Variants in ZNF654 observed in about 807,000 individuals in gnomAD.
The protein encoded by ZNF654 is zinc finger protein 654.
ZNF654 carries 19 observed loss-of-function variants against 95.3 expected under a neutral mutation model. The observed-to-expected ratio is 0.20, with a 90% CI of 0.14 to 0.29. The LOEUF (loss-of-function observed/expected upper bound fraction) is 0.29, where lower values mean the gene tolerates loss of function less well. Among genes scored for constraint, ZNF654 ranks in the 10% least tolerant of loss-of-function variants. ZNF654 has a pLI of 1.00. For missense variants in ZNF654, 1,046 were observed against 1,341.0 expected (o/e 0.78, Z 3.44); for synonymous variants, 413 against 457.9 (o/e 0.90, Z 1.25).
Position 88,113,181 on chromosome 3 carries a change from T to A in ZNF654, c.399T>A (p.Ile133=), listed in dbSNP as rs1359942462. 1 of 1,533,460 alleles carries A rather than the reference T, an allele frequency of 6.5e-7. No individual in the cohort carries two copies. The allele number at this position is 1,533,460 out of a possible 1,614,324, so 95.0% of individuals were successfully genotyped here. ...TTTATGAAGAGCCCTTAAAGGATAT[T>A]CTTGGATCATTCCAGGTAAAAAACA... The part of the protein sequence containing the change: ...DEFYEEPLKD[I]LGSFQECQNH... Residue 133 remains isoleucine, a synonymous_variant, in exon 3 of 9, where the codon ATT becomes ATA. Coordinates refer to ENST00000636215, the MANE Select transcript of ZNF654 (RefSeq NM_001350134.2).
At chr3:88,068,131 G>A (rs1707308543) in intron 1 of ZNF654, among the ~76,000 whole-genome samples, 1 of 151,808 alleles carries the variant, frequency 6.6e-6, no homozygotes, top group South Asian at 2.1e-4. Context: ...TGATTAGAGA[G>A]GTATGTTGAA....
At chr3:88,083,957 A>AG (rs1274360386) in intron 1 of ZNF654, among the ~76,000 whole-genome samples, 4 of 151,152 alleles carry the variant, frequency 2.6e-5, no homozygotes, top group Non-Finnish European at 5.9e-5. Flanking sequence ...ATATATATAT[A>AG]TATATATATA....
At chr3:88,063,932 C>G (rs1467782634) in intron 1 of ZNF654, among the ~76,000 whole-genome samples, 2 of 152,058 alleles carry the variant, frequency 1.3e-5, no homozygotes, top group East Asian at 3.9e-4. Flanking sequence ...TGGTGTAAAC[C>G]AAAACAACTT....
At chr3:88,091,773 A>G (rs1314690632) in intron 2 of ZNF654, among the ~76,000 whole-genome samples, 1 of 152,178 alleles carries the variant, frequency 6.6e-6, no homozygotes, top group Non-Finnish European at 1.5e-5. Context: ...TCCCCTGCAC[A>G]TGCTCTCTTG....
Position 88,059,523 on chromosome 3 carries a change from C to T in ZNF654, c.186+18C>T, listed in dbSNP as rs2107570723. On this transcript the variant is annotated intron_variant, in intron 1 of 8. Coordinates refer to ENST00000636215, the MANE Select transcript of ZNF654 (RefSeq NM_001350134.2). ...TCTGTCAGGTGAGGCGTCCGTTGGCCGCCCCGACTTGTCACCCGGGTCCTG... is the reference window on the plus strand; with the variant it reads ...TCTGTCAGGTGAGGCGTCCGTTGGCTGCCCCGACTTGTCACCCGGGTCCTG... The T allele has an allele frequency of 6.8e-7, 1 of 1,460,448 alleles. No individual in the cohort carries two copies. Among genetic ancestry groups the T allele is most frequent in the Non-Finnish European group, 9.0e-7 (1 of 1,114,242 alleles). 90.5% of individuals were successfully genotyped at this position (1,460,448 alleles called of 1,614,324 possible).
chr3:88,067,847 G>T (rs898293829), intron 1 of ZNF654, among the ~76,000 whole-genome samples: 7 of 151,916 alleles, frequency 4.6e-5, no homozygotes, highest in African/African-American at 1.5e-4. Context: ...GGTGGTAACT[G>T]GAGGCATTGT....
chr3:88,130,366 A>G (rs2107839906), intron 6 of ZNF654, among the ~76,000 whole-genome samples: 1 of 152,274 alleles, frequency 6.6e-6, no homozygotes, highest in South Asian at 2.1e-4. Flanking sequence ...GGCTATAAAC[A>G]TTTTTTTAAA....
At position 88,139,647 on chromosome 3, in the gene ZNF654, G is replaced by A. The variant is rs766394912; in HGVS notation, c.1978G>A (p.Glu660Lys). ...AGAAGTCATCCCTGAGCATGTGGCT[G>A]AATTCATTGAAATTCCCATAAGTGT... ...NKEVIPEHVA[E>K]FIEIPISVPE... Residue 660 changes from glutamate (E) to lysine (K), a missense_variant, in exon 8 of 9, where the codon GAA (glutamate) becomes AAA (lysine). Physicochemically the swap from Glu to Lys is moderately conservative, Grantham distance 56. This residue lies in a region of ZNF654 where 495 missense variants were observed against 537.0 expected (regional missense o/e 0.92). Coordinates refer to ENST00000636215, the MANE Select transcript of ZNF654 (RefSeq NM_001350134.2). 3.1e-6 allele frequency: 5 copies of A among 1,612,046 alleles called. No individual in the cohort carries two copies. In the Admixed American group the frequency reaches 8.4e-5, roughly 27 times the overall value.
intron 6 of ZNF654, 87 bp downstream of exon 6, chr3:88,129,913 TG>T: frequency 1.7e-6 from 2 of 1,202,892 alleles, no homozygotes; most frequent in Admixed American, 6.4e-5. Flanking sequence ...TTACATTGTA[TG>T]AAAATGTCAA....
intron 2 of ZNF654, among the ~76,000 whole-genome samples, chr3:88,092,197 A>G (rs930057230): frequency 4.6e-5 from 7 of 152,210 alleles, no homozygotes. Flanking sequence ...GTAAATCTAC[A>G]ATAGTATGTT....
chr3:88,139,131 A>G lies in ZNF654; in HGVS notation c.1462A>G (p.Arg488Gly). The G allele has an allele frequency of 7.8e-7, 1 of 1,285,912 alleles. No homozygotes were observed. The allele number at this position is 1,285,912 out of a possible 1,614,324, so 79.7% of individuals were successfully genotyped here. A position where few individuals can be genotyped will look rare whatever the true frequency, so the allele number is the denominator to read the frequency against. Residue 488 changes from arginine to glycine, a missense_variant, in exon 8 of 9, where the codon AGG becomes GGG. By Grantham distance (125) the Arg-to-Gly change is moderately radical (BLOSUM62 -2). Transcript: ENST00000636215. ...GGAAAATAATGCAGGTAATCTAAAA[A>G]GGACGGAGGAACAGCAAGGTTTGGA... ...TLENNAGNLK[R>G]TEEQQGLDEG...
Position 88,141,717 on chromosome 3 carries a change from C to T in ZNF654, c.*65C>T. On this transcript the variant is annotated 3_prime_UTR_variant, in exon 9 of 9. Transcript: ENST00000636215. The stretch of plus-strand genomic sequence containing the variant: ...GTGAAAAAAGCACTATAAGAAAATG[C>T]ATCATCAGTTTGCTATTTCCCTGAT... 6 of 1,295,576 alleles carry T rather than the reference C, an allele frequency of 4.6e-6. No individual in the cohort carries two copies. Among genetic ancestry groups the T allele is most frequent in the Non-Finnish European group, 6.3e-6 (6 of 956,696 alleles). The allele number at this position is 1,295,576 out of a possible 1,614,324, so 80.3% of individuals were successfully genotyped here.
At chr3:88,107,646 C>A (rs1035443164) in intron 2 of ZNF654, among the ~76,000 whole-genome samples, 1 of 152,082 alleles carries the variant, frequency 6.6e-6, no homozygotes, top group Non-Finnish European at 1.5e-5. Context: ...TTCCTTAACT[C>A]TTGCTTCTTG....
chr3:88,106,003 C>G (rs890349215), intron 2 of ZNF654, among the ~76,000 whole-genome samples: 18 of 152,138 alleles, frequency 1.2e-4, no homozygotes, highest in Admixed American at 4.6e-4. Flanking sequence ...TAGCCTTCTT[C>G]CTCTCCAGAG....
Position 88,139,836 on chromosome 3 carries a change from G to A in ZNF654, c.2167G>A (p.Val723Ile), listed in dbSNP as rs763868413. 4 of 1,577,158 alleles carry A rather than the reference G, an allele frequency of 2.5e-6. 1 individual carries two copies. Among genetic ancestry groups the A allele is most frequent in the South Asian group, 2.3e-5 (2 of 86,798 alleles). ...DDYDLNQETS[V>I]IHKINGTVCH... ...TTATGACCTGAATCAAGAAACTTCA[G>A]TAATTCATAAAATCAATGGAACTGT... The change falls in exon 8 of 9, where the codon GTA becomes ATA. Residue 723 changes from valine (V) to isoleucine (I), a missense_variant. Val to Ile is a conservative substitution (Grantham distance 29, BLOSUM62 3). Coordinates refer to ENST00000636215, the MANE Select transcript of ZNF654 (RefSeq NM_001350134.2).
At chr3:88,095,908 C>T in intron 2 of ZNF654, 1 of 419,556 alleles carries the variant, frequency 2.4e-6, no homozygotes, top group South Asian at 2.0e-5. Flanking sequence ...AGCACCTTCT[C>T]CACAGTCTAC....
chr3:88,071,101 TTAGAG>T (rs2107613910), intron 1 of ZNF654, among the ~76,000 whole-genome samples: 1 of 152,334 alleles, frequency 6.6e-6, no homozygotes, highest in African/African-American at 2.4e-5. Context: ...GTTTATAAAC[TTAGAG>T]TAGATATTCA....
intron 2 of ZNF654, among the ~76,000 whole-genome samples, chr3:88,112,745 A>G (rs1270120792): frequency 1.3e-5 from 2 of 151,984 alleles, no homozygotes; most frequent in African/African-American, 4.8e-5. Flanking sequence ...TTTTCTCTGG[A>G]GTCCCATTAT....
intron 1 of ZNF654, among the ~76,000 whole-genome samples, chr3:88,083,640 T>G (rs556207249): frequency 2.6e-4 from 40 of 152,304 alleles, no homozygotes; most frequent in African/African-American, 8.7e-4. Flanking sequence ...CATAAAAGAT[T>G]GCTAGCCTTA....
Sources: gnomAD v4.1 joint callset for allele counts (sites outside exome capture counted in the v4.1 genomes callset) on GRCh38, gnomAD v4.1.1 for gene constraint, gnomAD v4.1.1 regional missense constraint, MANE v1.5 for transcripts, NCBI Gene and HGNC (gene_info 2026-07-23, HGNC 2026-07-21) for gene names.